The following PYGB variants were observed in gnomAD, a reference collection of about 807,000 sequenced individuals.
PYGB encodes glycogen phosphorylase B, also known as glycogen phosphorylase, brain form.
A neutral mutation model predicts 94.3 loss-of-function variants in PYGB; 82 were observed. The ratio of observed to expected loss-of-function variants is 0.87; its 90% CI spans 0.73 to 1.04. PYGB has a LOEUF of 1.04. Among genes scored for constraint, PYGB ranks in the 50% least tolerant of loss-of-function variants. The probability of loss-of-function intolerance (pLI) is 0.00; values close to 1 mark genes in which losing one functional copy is unlikely to be tolerated. For synonymous variants in PYGB, 488 were observed against 479.1 expected, an observed-to-expected ratio of 1.02 and a Z score of -0.24; for missense variants, 1,132 against 1,158.2, an observed-to-expected ratio of 0.98 and a Z score of 0.33.
intron 2 of PYGB, among the ~76,000 whole-genome samples, chr20:25,264,631 AACAG>A (rs1407097399): frequency 2.6e-5 from 4 of 152,168 alleles, no homozygotes; most frequent in Admixed American, 6.5e-5. Flanking sequence ...TACACCAATA[AACAG>A]ACAAACAGAG....
At position 25,290,521 on chromosome 20, in the gene PYGB, T is replaced by C. The variant is rs749783626; in HGVS notation, c.1868T>C (p.Leu623Ser). ...CACATGGCCAAGCTGATCATCAAGT[T>C]GGTCACCTCCATCGGCGACGTCGTC... ...GYHMAKLIIK[L>S]VTSIGDVVNH... The change falls in exon 16 of 20, where the codon TTG (leucine) becomes TCG (serine). Residue 623 changes from leucine (L) to serine (S), a missense_variant. Coordinates refer to ENST00000216962, the MANE Select transcript of PYGB (RefSeq NM_002862.4). The C allele has an allele frequency of 6.2e-7, 1 of 1,611,582 alleles. No individual in the cohort carries two copies. The highest frequency in any genetic ancestry group is 8.5e-7 in the Non-Finnish European group (1 of 1,177,776).
intron 1 of PYGB, among the ~76,000 whole-genome samples, chr20:25,251,745 C>A (rs1040236706): frequency 2.0e-5 from 3 of 152,198 alleles, no homozygotes; most frequent in Admixed American, 6.5e-5. Context: ...AGCCACTGAC[C>A]TGCAGCACCC....
chr20:25,264,505 T>TA (rs1286440086), intron 2 of PYGB, among the ~76,000 whole-genome samples: 1 of 152,196 alleles, frequency 6.6e-6, no homozygotes, highest in African/African-American at 2.4e-5. Flanking sequence ...GCTGATGACA[T>TA]ATTTGTATAT....
chr20:25,277,170 A>G (rs2123562642), intron 6 of PYGB, 74 bp from the exon 7 acceptor site: 1 of 1,222,514 alleles, frequency 8.2e-7, no homozygotes, highest in East Asian at 2.3e-5. Context: ...GGCCTTTGCA[A>G]GTAGGCCCCT....
chr20:25,297,212 G>C lies in PYGB; in HGVS notation c.*690G>C, dbSNP rs202163870. ...GAGGGGGACACTGGAGTGGGTGCTT[G>C]TGTCTGCTGTCTCAGAGGCCTTGGT... is the stretch of plus-strand genomic sequence containing the variant. On this transcript the variant is annotated 3_prime_UTR_variant, in exon 20 of 20. Transcript: ENST00000216962. 2.0e-5 allele frequency: 3 copies of C among 152,382 alleles called. No homozygotes were observed. Among genetic ancestry groups the C allele is most frequent in the Non-Finnish European group, 4.4e-5 (3 of 68,138 alleles). 9.4% of individuals were successfully genotyped at this position (152,382 alleles called of 1,614,324 possible).
intron 2 of PYGB, among the ~76,000 whole-genome samples, chr20:25,261,706 C>T (rs2092914067): frequency 6.6e-6 from 1 of 152,108 alleles, no homozygotes; most frequent in East Asian, 1.9e-4. Context: ...TGATCGAACC[C>T]ATCACAAAGA....
intron 16 of PYGB, 84 bp downstream of exon 16, chr20:25,290,706 A>G: frequency 6.5e-7 from 1 of 1,539,360 alleles, no homozygotes; most frequent in Non-Finnish European, 8.9e-7. Context: ...TTTCATCCTC[A>G]GCCAGTTCAG....
intron 16 of PYGB, among the ~76,000 whole-genome samples, chr20:25,291,190 A>C (rs1307792523): frequency 6.6e-6 from 1 of 152,034 alleles, no homozygotes; most frequent in African/African-American, 2.4e-5. Context: ...AGGTGGCAGC[A>C]CCTGCCTCAT....
intron 17 of PYGB, chr20:25,293,884 T>C: frequency 2.1e-6 from 1 of 483,334 alleles, no homozygotes; most frequent in South Asian, 2.1e-5. Context: ...TCAGCCACTA[T>C]GTCCTAGCAG....
intron 2 of PYGB, among the ~76,000 whole-genome samples, chr20:25,266,368 C>G (rs1212234995): frequency 6.6e-6 from 1 of 151,832 alleles, no homozygotes; most frequent in Non-Finnish European, 1.5e-5. Context: ...AAATCGAACC[C>G]CTACCTCACA....
intron 15 of PYGB, among the ~76,000 whole-genome samples, chr20:25,289,472 C>T (rs1276744602): frequency 6.6e-6 from 1 of 152,038 alleles, no homozygotes; most frequent in Non-Finnish European, 1.5e-5. Context: ...TGGTGAAACC[C>T]CATCTCTACA....
chr20:25,290,335 G>T (rs2088454764), intron 15 of PYGB, 146 bp from the exon 16 acceptor site: 1 of 1,022,802 alleles, frequency 9.8e-7, no homozygotes, highest in African/African-American at 1.6e-5. Context: ...GGGCCGGGGA[G>T]CCTCCCTAGC....
intron 2 of PYGB, among the ~76,000 whole-genome samples, chr20:25,263,510 T>C (rs1159068774): frequency 1.3e-5 from 2 of 151,792 alleles, no homozygotes; most frequent in Non-Finnish European, 2.9e-5. Context: ...TTTGAAAAGA[T>C]CAACAAAATT....
Position 25,296,787 on chromosome 20 carries a change from C to T in PYGB, c.*265C>T. ...CAGCCCTGCAGCTTCAGCACCTGCC[C>T]CACCCAGAGTGGGAGTCAGGTGGAG... On this transcript the variant is annotated 3_prime_UTR_variant, in exon 20 of 20. Transcript: ENST00000216962. The T allele has an allele frequency of 2.1e-6, 1 of 466,110 alleles. No individual in the cohort carries two copies. The highest frequency in any genetic ancestry group is 3.8e-6 in the Non-Finnish European group (1 of 262,182). 28.9% of individuals were successfully genotyped at this position (466,110 alleles called of 1,614,324 possible).
chr20:25,255,445 G>A (rs988856919), intron 1 of PYGB, among the ~76,000 whole-genome samples: 1 of 152,224 alleles, frequency 6.6e-6, no homozygotes, highest in Non-Finnish European at 1.5e-5. Context: ...GGTGGAACGT[G>A]GTGCCCACTG....
intron 14 of PYGB, among the ~76,000 whole-genome samples, chr20:25,287,537 T>A (rs1273525621): frequency 6.6e-6 from 1 of 152,136 alleles, no homozygotes; most frequent in African/African-American, 2.4e-5. Flanking sequence ...TAGTCGCATC[T>A]ACTTGGGAGG....
chr20:25,290,719 C>G, intron 16 of PYGB, 97 bp downstream of exon 16: 1 of 1,508,924 alleles, frequency 6.6e-7, no homozygotes, highest in African/African-American at 1.4e-5. Context: ...CAGTTCAGCT[C>G]TGCCTGGACA....
chr20:25,292,259 C>CGGGAGTGGGGGCA (rs2088474468), intron 16 of PYGB, 147 bp from the exon 17 acceptor site: 3 of 842,942 alleles, frequency 3.6e-6, no homozygotes, highest in East Asian at 5.4e-5. Flanking sequence ...CCTGTGGGAG[C>CGGGAGTGGGGGCA]GGGAGTGGGG....
At chr20:25,254,110 C>T (rs2092896394) in intron 1 of PYGB, among the ~76,000 whole-genome samples, 1 of 151,630 alleles carries the variant, frequency 6.6e-6, no homozygotes, top group Non-Finnish European at 1.5e-5. Context: ...CCTTGTTGCC[C>T]CTTCACCCCC....
Sources: gnomAD v4.1 joint callset for allele counts (sites outside exome capture counted in the v4.1 genomes callset) on GRCh38, gnomAD v4.1.1 for gene constraint, MANE v1.5 for transcripts, NCBI Gene and HGNC (gene_info 2026-07-23, HGNC 2026-07-21) for gene names.